The following TAFA4 variants were observed in gnomAD, a reference collection of about 807,000 sequenced individuals.
TAFA4 encodes the protein TAFA chemokine like family member 4, also known as chemokine-like protein TAFA-4.
Under a neutral mutation model 21.1 loss-of-function variants are expected in TAFA4, and 20 were observed. That is an observed-to-expected ratio of 0.95 (90% confidence interval 0.67 to 1.38). TAFA4 has a LOEUF of 1.38. Ranked by LOEUF, TAFA4 falls within the 40% of genes most tolerant of loss-of-function variation. The pLI is 0.00. For missense variants in TAFA4, 211 were observed against 180.9 expected (o/e 1.17, Z -0.95); for synonymous variants, 71 against 67.4 (o/e 1.05, Z -0.26).
intron 3 of TAFA4, among the ~76,000 whole-genome samples, chr3:68,847,492 C>A (rs1416006091): frequency 6.6e-6 from 1 of 152,208 alleles, no homozygotes; most frequent in African/African-American, 2.4e-5. Context: ...ACCACTTAGC[C>A]CCCTTTCCAG....
chr3:68,827,969 T>C (rs1704292378), intron 3 of TAFA4, among the ~76,000 whole-genome samples: 1 of 152,230 alleles, frequency 6.6e-6, no homozygotes, highest in Non-Finnish European at 1.5e-5. Flanking sequence ...GCCTATGTCC[T>C]GAATGGTATT....
intron 3 of TAFA4, among the ~76,000 whole-genome samples, chr3:68,828,353 T>C (rs1483804515): frequency 6.6e-6 from 1 of 152,158 alleles, no homozygotes; most frequent in Non-Finnish European, 1.5e-5. Flanking sequence ...TTGTCTTGCC[T>C]ATACAGGGTC....
intron 1 of TAFA4, among the ~76,000 whole-genome samples, chr3:68,925,988 TCGGGAGG>T (rs1221078732): frequency 6.6e-6 from 1 of 152,202 alleles, no homozygotes; most frequent in Non-Finnish European, 1.5e-5. Context: ...TCCCAGTACT[TCGGGAGG>T]CGGAGGCAGC....
intron 3 of TAFA4, among the ~76,000 whole-genome samples, chr3:68,828,082 T>C (rs1006172021): frequency 6.6e-6 from 1 of 152,230 alleles, no homozygotes; most frequent in African/African-American, 2.4e-5. Flanking sequence ...AGGGATAGTT[T>C]CAGCTTTCTA....
chr3:68,865,251 C>T (rs1036759311), intron 3 of TAFA4, among the ~76,000 whole-genome samples: 1 of 151,906 alleles, frequency 6.6e-6, no homozygotes, highest in Non-Finnish European at 1.5e-5. Flanking sequence ...CAGTAATATC[C>T]CACAATTTAT....
At chr3:68,740,847 T>C (rs1189573052) in intron 4 of TAFA4, among the ~76,000 whole-genome samples, 1 of 152,202 alleles carries the variant, frequency 6.6e-6, no homozygotes, top group Non-Finnish European at 1.5e-5. Flanking sequence ...CAGGTCTAAC[T>C]TCATTCTTTT....
chr3:68,823,638 TCCC>T (rs930230938), intron 3 of TAFA4, among the ~76,000 whole-genome samples: 2 of 152,134 alleles, frequency 1.3e-5, no homozygotes, highest in African/African-American at 4.8e-5. Flanking sequence ...TGTATGTTGT[TCCC>T]CTCCCTGTGT....
intron 3 of TAFA4, among the ~76,000 whole-genome samples, chr3:68,843,445 T>A (rs1170978096): frequency 6.6e-6 from 1 of 152,232 alleles, no homozygotes; most frequent in African/African-American, 2.4e-5. Flanking sequence ...GTTTTCTAAA[T>A]AGACAATCAT....
chr3:68,740,835 C>T (rs1473008469), intron 4 of TAFA4, among the ~76,000 whole-genome samples: 1 of 152,134 alleles, frequency 6.6e-6, no homozygotes, highest in Non-Finnish European at 1.5e-5. Context: ...TGGTTTAAGT[C>T]ACAGGTCTAA....
intron 3 of TAFA4, among the ~76,000 whole-genome samples, chr3:68,838,175 C>A (rs915682923): frequency 3.3e-5 from 5 of 151,960 alleles, no homozygotes; most frequent in Non-Finnish European, 5.9e-5. Flanking sequence ...CAGCAAAAAA[C>A]CCAATAACTT....
chr3:68,893,052 A>G (rs1162496863), intron 1 of TAFA4, among the ~76,000 whole-genome samples: 1 of 152,216 alleles, frequency 6.6e-6, no homozygotes, highest in East Asian at 1.9e-4. Flanking sequence ...TCAAGGCCCA[A>G]TTATCCTTAC....
chr3:68,893,044 A>C (rs544875473), intron 1 of TAFA4, among the ~76,000 whole-genome samples: 4 of 152,340 alleles, frequency 2.6e-5, no homozygotes, highest in African/African-American at 7.2e-5. Flanking sequence ...TAAATCTCTC[A>C]AGGCCCAATT....
chr3:68,793,242 C>T (rs1017073361), intron 3 of TAFA4, among the ~76,000 whole-genome samples: 1 of 152,140 alleles, frequency 6.6e-6, no homozygotes, highest in African/African-American at 2.4e-5. Flanking sequence ...ATGAGCCCAA[C>T]ATTTACTAAA....
intron 1 of TAFA4, among the ~76,000 whole-genome samples, chr3:68,927,696 C>A (rs1037742756): frequency 6.6e-6 from 1 of 152,066 alleles, no homozygotes; most frequent in Non-Finnish European, 1.5e-5. Context: ...CCCAGGAGTT[C>A]GACACCAGCC....
chr3:68,930,472 G>A (rs2090149536), intron 1 of TAFA4, among the ~76,000 whole-genome samples: 1 of 152,196 alleles, frequency 6.6e-6, no homozygotes, highest in Admixed American at 6.5e-5. Flanking sequence ...ATTTTAAAGT[G>A]TCAAAGGGCA....
chr3:68,776,296 G>T (rs1420418279), intron 3 of TAFA4, among the ~76,000 whole-genome samples: 1 of 152,074 alleles, frequency 6.6e-6, no homozygotes, highest in Middle Eastern at 3.2e-3. Flanking sequence ...TGAGAAACAG[G>T]AAAATTAAAA....
In TAFA4 at chr3:68,733,140, C is replaced by A. The variant is rs369406426; in HGVS notation, c.*2G>T. The A allele has an allele frequency of 5.0e-6, 8 of 1,613,086 alleles. No individual in the cohort carries two copies. The African/African-American group carries it at 9.4e-5, about 19-fold the overall frequency. ...CAGGATTGAAGCACACCTCTCTCTTCGCTACCGCGTTACCTAAAACAAATC... is the reference window on the plus strand; with the variant it reads ...CAGGATTGAAGCACACCTCTCTCTTAGCTACCGCGTTACCTAAAACAAATC... On this transcript the variant is annotated 3_prime_UTR_variant, in exon 6 of 6. Transcript: ENST00000295569.
At chr3:68,792,357 A>C (rs1703377969) in intron 3 of TAFA4, among the ~76,000 whole-genome samples, 1 of 152,170 alleles carries the variant, frequency 6.6e-6, no homozygotes, top group South Asian at 2.1e-4. Flanking sequence ...CAATGAGTCA[A>C]TGAAAATTTT....
chr3:68,904,917 G>A (rs999909910), intron 1 of TAFA4, among the ~76,000 whole-genome samples: 5 of 152,188 alleles, frequency 3.3e-5, no homozygotes, highest in Admixed American at 1.3e-4. Flanking sequence ...AACTGGCCTT[G>A]CAGCTGTGGC....
Sources: gnomAD v4.1 joint callset for allele counts (sites outside exome capture counted in the v4.1 genomes callset) on GRCh38, gnomAD v4.1.1 for gene constraint, MANE v1.5 for transcripts, NCBI Gene and HGNC (gene_info 2026-07-23, HGNC 2026-07-21) for gene names.